The following DRC3 variants were observed in gnomAD, a reference collection of about 807,000 sequenced individuals.
DRC3 encodes the protein dynein regulatory complex subunit 3.
A neutral mutation model predicts 57.6 loss-of-function variants in DRC3; 45 were observed. The observed-to-expected ratio is 0.78, with a 90% CI of 0.62 to 1.00. The LOEUF (loss-of-function observed/expected upper bound fraction) is 1.00. Among genes scored for constraint, DRC3 ranks in the 50% least tolerant of loss-of-function variants. The pLI is 0.00. For missense variants in DRC3, 655 were observed against 675.2 expected, an observed-to-expected ratio of 0.97 and a Z score of 0.33; for synonymous variants, 257 against 272.3, an observed-to-expected ratio of 0.94 and a Z score of 0.55.
In DRC3 at chr17:17,994,970, G is replaced by A. The variant is rs373672536; in HGVS notation, c.712-29G>A. The A allele has an allele frequency of 1.7e-5, 27 of 1,566,682 alleles. No individual in the cohort carries two copies. The Middle Eastern group carries it at 1.0e-3, about 59-fold the overall frequency. On this transcript the variant is annotated intron_variant, in intron 7 of 13. Coordinates refer to ENST00000399187, the MANE Select transcript of DRC3 (RefSeq NM_031294.4). ...GATGCAGGGGCCCCTGACAGGAGCC[G>A]TCCTACCTACGTGTGTTTCTGCCTG...
intron 9 of DRC3, 44 bp from the exon 10 acceptor site, chr17:18,004,319 T>C: frequency 6.4e-7 from 1 of 1,565,940 alleles, no homozygotes; most frequent in Non-Finnish European, 8.7e-7. Flanking sequence ...ATTATCTAAT[T>C]ACACTTAGTT....
intron 12 of DRC3, chr17:18,011,364 T>C: frequency 3.0e-6 from 1 of 333,558 alleles, no homozygotes; most frequent in Non-Finnish European, 5.8e-6. Flanking sequence ...GCCGTGTCAC[T>C]CTGGGTGTTA....
At chr17:17,979,935 C>T (rs925441472) in intron 3 of DRC3, among the ~76,000 whole-genome samples, 1 of 152,106 alleles carries the variant, frequency 6.6e-6, no homozygotes, top group African/African-American at 2.4e-5. Context: ...AGCAATCCGG[C>T]TCTAGGGGAA....
At chr17:17,987,416 T>G (rs1238947042) in intron 4 of DRC3, among the ~76,000 whole-genome samples, 1 of 152,030 alleles carries the variant, frequency 6.6e-6, no homozygotes, top group Non-Finnish European at 1.5e-5. Context: ...GGCAAATCAC[T>G]GAGTCTCTCT....
intron 2 of DRC3, among the ~76,000 whole-genome samples, chr17:17,974,716 A>G (rs988225196): frequency 6.6e-6 from 1 of 152,064 alleles, no homozygotes; most frequent in African/African-American, 2.4e-5. Context: ...TGTCCTTCCA[A>G]TCAGCCCTGT....
At chr17:17,996,038 G>C (rs893641909) in intron 8 of DRC3, among the ~76,000 whole-genome samples, 2 of 151,980 alleles carry the variant, frequency 1.3e-5, no homozygotes, top group Non-Finnish European at 2.9e-5. Flanking sequence ...TTTGTTTTTT[G>C]AGACAGCGTT....
chr17:17,994,940 G>T, intron 7 of DRC3, 59 bp from the exon 8 acceptor site: 1 of 1,157,862 alleles, frequency 8.6e-7, no homozygotes, highest in Non-Finnish European at 1.3e-6. Context: ...ATGGGCCTGT[G>T]AGATGATGCA....
chr17:17,991,322 G>A (rs1329876281), intron 5 of DRC3, among the ~76,000 whole-genome samples: 4 of 108,410 alleles, frequency 3.7e-5, no homozygotes, highest in African/African-American at 7.4e-5. Context: ...AAGGAGTCTC[G>A]CCCTGTCACC....
chr17:17,983,675 A>C (rs2042820174), intron 3 of DRC3, among the ~76,000 whole-genome samples, 153 bp from the exon 4 acceptor site: 1 of 152,152 alleles, frequency 6.6e-6, no homozygotes, highest in African/African-American at 2.4e-5. Context: ...ATGTTCCTCG[A>C]TGCTCAGCCG....
At chr17:18,002,348 C>CA (rs1448379470) in intron 9 of DRC3, among the ~76,000 whole-genome samples, 1 of 152,148 alleles carries the variant, frequency 6.6e-6, no homozygotes, top group African/African-American at 2.4e-5. Context: ...GCTGTTACTC[C>CA]ATCCTCCTTC....
intron 4 of DRC3, 89 bp from the exon 5 acceptor site, chr17:17,987,841 CAG>C (rs901365058): frequency 1.5e-6 from 2 of 1,371,958 alleles, no homozygotes; most frequent in African/African-American, 2.9e-5. Context: ...TGCTGGCTCA[CAG>C]GGCACTCAGT....
At chr17:17,983,115 G>T (rs990792621) in intron 3 of DRC3, among the ~76,000 whole-genome samples, 11 of 152,182 alleles carry the variant, frequency 7.2e-5, no homozygotes, top group Non-Finnish European at 1.2e-4. Context: ...GAATGAACCA[G>T]CTGTGTAGCT....
rs2044053328 is a variant in DRC3 at position 18,008,306 on chromosome 17, G to A, written c.1326+1159G>A. On this transcript the variant is annotated intron_variant, in intron 12 of 13. Transcript: ENST00000399187. The surrounding 1 kb of genome is among the most constrained non-coding windows in gnomAD (Gnocchi z 4.3). ...AACTTCCAGAAAAACCACTGTCTCT[G>A]TATCACATGCCCCATTTATCAGGTC... Among the ~76,000 whole-genome samples the A allele has an allele frequency of 2.0e-5, 3 of 152,326 alleles. 1 individual carries two copies. The South Asian group carries it at 6.2e-4, about 32-fold the overall frequency.
At chr17:18,004,728 C>G in intron 10 of DRC3, 1 of 501,912 alleles carries the variant, frequency 2.0e-6, no homozygotes, top group South Asian at 2.4e-5. Context: ...CTGAAATGGT[C>G]CCCCTATCCT....
chr17:18,008,374 G>A lies in DRC3; in HGVS notation c.1326+1227G>A, dbSNP rs776703702. On this transcript the variant is annotated intron_variant, in intron 12 of 13. Transcript: ENST00000399187. This position sits in a 1 kb window ranked among gnomAD's most constrained non-coding sequence, Gnocchi z 4.3. ...TAGTTTCAAACTACCTGGCTGATGTGTATTTGCTGCTGATGTGACTATTCA... is the reference window on the plus strand; with the variant it reads ...TAGTTTCAAACTACCTGGCTGATGTATATTTGCTGCTGATGTGACTATTCA... 4.6e-5 allele frequency among the ~76,000 whole-genome samples: 7 copies of A among 152,200 alleles called. No homozygotes were observed. The highest frequency in any genetic ancestry group is 7.3e-5 in the Non-Finnish European group (5 of 68,036).
Position 17,995,116 on chromosome 17 carries a change from C to T in DRC3, c.824+5C>T. On this transcript the variant is annotated splice_donor_5th_base_variant and intron_variant, in intron 8 of 13. Coordinates refer to ENST00000399187, the MANE Select transcript of DRC3 (RefSeq NM_031294.4). ...TGTCGGTGAGCTCCTTGAGACATAT[C>T]CTTCTGAGTTCATGGCTGTCTCAGA... 6.2e-7 allele frequency: 1 copy of T among 1,603,646 alleles called. No homozygotes were observed. Among genetic ancestry groups the T allele is most frequent in the East Asian group, 2.2e-5 (1 of 44,798 alleles).
rs144245489 is a variant in DRC3, at chr17:17,990,464, T to C, written c.445-2301T>C. ...CCTGGCCTTTGCTCAGTGCCTGGCATGTGCCAAGTTCTTTGCTGCCTGGGG... is the reference window on the plus strand; with the variant it reads ...CCTGGCCTTTGCTCAGTGCCTGGCACGTGCCAAGTTCTTTGCTGCCTGGGG... On this transcript the variant is annotated intron_variant, in intron 5 of 13. Transcript: ENST00000399187. Among the ~76,000 whole-genome samples the C allele has an allele frequency of 2.7e-3, 416 of 152,360 alleles. 2 individuals carry two copies. The highest frequency in any genetic ancestry group is 9.6e-3 in the African/African-American group (398 of 41,586).
intron 6 of DRC3, chr17:17,994,071 T>C: frequency 2.0e-6 from 1 of 499,180 alleles, no homozygotes; most frequent in Non-Finnish European, 3.5e-6. Context: ...CTTCCGCTCC[T>C]CCTGGTCTTT....
At chr17:17,988,306 T>A in intron 5 of DRC3, 1 of 587,090 alleles carries the variant, frequency 1.7e-6, no homozygotes, top group African/African-American at 1.9e-5. Context: ...CGGAGAGCAC[T>A]AGTTTACAAC....
Sources: gnomAD v4.1 joint callset for allele counts (sites outside exome capture counted in the v4.1 genomes callset) on GRCh38, gnomAD v4.1.1 for gene constraint, Gnocchi (gnomAD v3.1) non-coding constraint, MANE v1.5 for transcripts, NCBI Gene and HGNC (gene_info 2026-07-23, HGNC 2026-07-21) for gene names.